The following JMY variants were observed in gnomAD, a reference collection of about 807,000 sequenced individuals.
The protein encoded by JMY is junction mediating and regulatory protein, p53 cofactor.
JMY carries 46 observed loss-of-function variants against 103.3 expected under a neutral mutation model. The observed-to-expected ratio is 0.45, with a 90% CI of 0.35 to 0.57. JMY has a LOEUF of 0.57. Ranked by LOEUF, JMY falls within the 20% of genes least tolerant of loss-of-function variation. The pLI is 0.00. For missense variants in JMY, 1,238 were observed against 1,255.2 expected (o/e 0.99, Z 0.21); for synonymous variants, 526 against 489.3 (o/e 1.07, Z -0.99).
At chr5:79,251,717 T>C (rs1745088878) in intron 1 of JMY, among the ~76,000 whole-genome samples, 1 of 151,842 alleles carries the variant, frequency 6.6e-6, no homozygotes. Context: ...TTCTACTCTC[T>C]ATTTCAATTG....
intron 1 of JMY, among the ~76,000 whole-genome samples, chr5:79,264,772 C>G (rs1188274190): frequency 6.6e-6 from 1 of 151,996 alleles, no homozygotes; most frequent in Non-Finnish European, 1.5e-5. Flanking sequence ...CTTAGAATAA[C>G]TAAAAATGCT....
At chr5:79,313,512 T>G (rs1317688572) in intron 8 of JMY, among the ~76,000 whole-genome samples, 5 of 152,206 alleles carry the variant, frequency 3.3e-5, no homozygotes, top group Non-Finnish European at 7.3e-5. Flanking sequence ...TCTCTCTTCA[T>G]TCTGTCATAA....
At chr5:79,315,783 A>G (rs1294162965) in intron 9 of JMY, among the ~76,000 whole-genome samples, 1 of 152,208 alleles carries the variant, frequency 6.6e-6, no homozygotes, top group African/African-American at 2.4e-5. Context: ...GAATACCAAC[A>G]GTACCCACCA....
chr5:79,283,002 T>C (rs553584617), intron 2 of JMY, among the ~76,000 whole-genome samples: 1 of 149,326 alleles, frequency 6.7e-6, no homozygotes, highest in Non-Finnish European at 1.5e-5. Flanking sequence ...TAATAATAAT[T>C]ATTATTATTT....
At chr5:79,289,739 T>A (rs1265975786) in intron 2 of JMY, among the ~76,000 whole-genome samples, 1 of 151,750 alleles carries the variant, frequency 6.6e-6, no homozygotes, top group Non-Finnish European at 1.5e-5. Context: ...TTGTTTTATA[T>A]AGTGGCTGTT....
In JMY at chr5:79,236,611, GGC is replaced by G; in HGVS notation, c.-39_-38del. On this transcript the variant is annotated 5_prime_UTR_variant, in exon 1 of 11. Transcript: ENST00000396137. Reference sequence around the variant, plus strand: ...CAGCGGGGAGTCCTCGGGCGGGCCGGGCCGGCGGCCCTTCCCCGCGGCGAGAA... The same window carrying G: ...CAGCGGGGAGTCCTCGGGCGGGCCGGCGGCGGCCCTTCCCCGCGGCGAGAA... 7.4e-7 allele frequency: 1 copy of G among 1,343,860 alleles called. No homozygotes were observed. Among genetic ancestry groups the G allele is most frequent in the Admixed American group, 2.9e-5 (1 of 34,938 alleles). 83.2% of individuals were successfully genotyped at this position (1,343,860 alleles called of 1,614,324 possible).
At position 79,300,273 on chromosome 5, in the gene JMY, T is replaced by G; in HGVS notation, c.1648T>G (p.Leu550Val). Residue 550 changes from leucine (L) to valine (V), a missense_variant, in exon 5 of 11, where the codon TTA becomes GTA. By Grantham distance (32) the Leu-to-Val change is conservative. Coordinates refer to ENST00000396137, the MANE Select transcript of JMY (RefSeq NM_152405.5). Reference protein sequence around the residue: ...VQFEILKCEELLLTAQLESIK... With the variant: ...VQFEILKCEEVLLTAQLESIK... ...GTTTGAAATCTTGAAGTGTGAAGAG[T>G]TACTATTGACAGCGCAACTAGAAAG... The G allele has an allele frequency of 6.3e-7, 1 of 1,595,860 alleles. No homozygotes were observed. The highest frequency in any genetic ancestry group is 8.5e-7 in the Non-Finnish European group (1 of 1,172,744).
intron 2 of JMY, among the ~76,000 whole-genome samples, chr5:79,281,353 ATTTTTTTTTTTTTTT>A (rs35881012): frequency 5.9e-4 from 69 of 116,714 alleles, no homozygotes; most frequent in Middle Eastern, 9.9e-3. Context: ...CAAGAAATTA[ATTTTTTTTTTTTTTT>A]TTTTTTTTTT....
intron 1 of JMY, among the ~76,000 whole-genome samples, chr5:79,271,629 T>C (rs1475244293): frequency 3.9e-5 from 6 of 152,194 alleles, no homozygotes; most frequent in African/African-American, 1.4e-4. Context: ...CATTTTCTTT[T>C]ACTCACCGTT....
intron 1 of JMY, among the ~76,000 whole-genome samples, chr5:79,270,490 CATAA>C (rs1745728602): frequency 1.9e-5 from 1 of 52,444 alleles, no homozygotes; most frequent in Non-Finnish European, 3.5e-5. Flanking sequence ...TAAATATTTA[CATAA>C]AATATATATT....
At chr5:79,300,441 TGG>T in intron 5 of JMY, 123 bp downstream of exon 5, 1 of 951,686 alleles carries the variant, frequency 1.1e-6, no homozygotes, top group Non-Finnish European at 1.5e-6. Context: ...GGATAGAGTG[TGG>T]GGGGGTGATT....
chr5:79,238,708 C>G (rs563861445), intron 1 of JMY, among the ~76,000 whole-genome samples: 3 of 143,556 alleles, frequency 2.1e-5, no homozygotes, highest in African/African-American at 7.8e-5. Context: ...AGTACAGTGG[C>G]ACCATCTGGG....
intron 8 of JMY, 138 bp from the exon 9 acceptor site, chr5:79,314,119 A>G (rs1428648915): frequency 1.4e-6 from 2 of 1,401,294 alleles, no homozygotes; most frequent in Non-Finnish European, 1.9e-6. Flanking sequence ...TCGGCCTCCC[A>G]AAGTGCTGGG....
At chr5:79,273,397 A>G (rs1745841577) in intron 1 of JMY, among the ~76,000 whole-genome samples, 1 of 152,122 alleles carries the variant, frequency 6.6e-6, no homozygotes, top group Non-Finnish European at 1.5e-5. Flanking sequence ...TCATAGGTGT[A>G]CTTGTTCCTC....
chr5:79,251,286 C>G (rs1311373153), intron 1 of JMY, among the ~76,000 whole-genome samples: 1 of 152,084 alleles, frequency 6.6e-6, no homozygotes, highest in East Asian at 1.9e-4. Context: ...GGCTGGAGTA[C>G]AGTGGCACAA....
intron 1 of JMY, among the ~76,000 whole-genome samples, chr5:79,269,660 A>T (rs932000509): frequency 2.0e-5 from 3 of 152,094 alleles, no homozygotes; most frequent in African/African-American, 7.2e-5. Flanking sequence ...TGTTAGATTT[A>T]TACCTAATTT....
chr5:79,291,419 A>G, intron 4 of JMY, 120 bp downstream of exon 4: 2 of 761,650 alleles, frequency 2.6e-6, no homozygotes, highest in South Asian at 2.1e-5. Flanking sequence ...CATGAGATGA[A>G]AACACTTAGA....
intron 1 of JMY, among the ~76,000 whole-genome samples, chr5:79,272,449 CAT>C (rs1745813086): frequency 6.6e-6 from 1 of 151,514 alleles, no homozygotes; most frequent in Non-Finnish European, 1.5e-5. Flanking sequence ...TTTTTTTTGA[CAT>C]AGAGGTATGT....
In JMY at chr5:79,262,628, G is replaced by A. The variant is rs991751488; in HGVS notation, c.1033-15282G>A. 3.9e-5 allele frequency among the ~76,000 whole-genome samples: 6 copies of A among 152,142 alleles called. 1 individual carries two copies. Among genetic ancestry groups the A allele is most frequent in the Non-Finnish European group, 8.8e-5 (6 of 68,034 alleles). ...TTAGATTAAAATAGTTTGACCAATT[G>A]AAATTAAAATTGTTTTTAAGGTAGT... On this transcript the variant is annotated intron_variant, in intron 1 of 10. Transcript: ENST00000396137.
Sources: gnomAD v4.1 joint callset for allele counts (sites outside exome capture counted in the v4.1 genomes callset) on GRCh38, gnomAD v4.1.1 for gene constraint, MANE v1.5 for transcripts, NCBI Gene and HGNC (gene_info 2026-07-23, HGNC 2026-07-21) for gene names.